The following NEK10 variants were observed in gnomAD, a reference collection of about 807,000 sequenced individuals.
NEK10 encodes NIMA related kinase 10.
Under a neutral mutation model 159.8 loss-of-function variants are expected in NEK10, and 122 were observed. The ratio of observed to expected loss-of-function variants is 0.76; its 90% CI spans 0.66 to 0.89. The LOEUF is 0.89. Ranked by LOEUF, NEK10 falls within the 40% of genes least tolerant of loss-of-function variation. NEK10 has a pLI of 0.00. For synonymous variants in NEK10, 466 were observed against 457.1 expected (o/e 1.02, Z -0.25); for missense variants, 1,342 against 1,323.1 (o/e 1.01, Z -0.22).
intron 22 of NEK10, among the ~76,000 whole-genome samples, chr3:27,275,125 C>A (rs2041676164): frequency 6.6e-6 from 1 of 152,138 alleles, no homozygotes; most frequent in Admixed American, 6.5e-5. Flanking sequence ...CTGTGCTCAC[C>A]CAGTTCACTG....
chr3:27,163,528 A>C (rs1188099274), intron 29 of NEK10, among the ~76,000 whole-genome samples: 1 of 151,548 alleles, frequency 6.6e-6, no homozygotes, highest in Non-Finnish European at 1.5e-5. Context: ...ATTTTCTTGT[A>C]TTTTTAGTAG....
intron 8 of NEK10, chr3:27,311,232 T>C: frequency 2.6e-6 from 1 of 386,632 alleles, no homozygotes; most frequent in Non-Finnish European, 4.6e-6. Context: ...ATTATTGTAA[T>C]AATGAAATAT....
intron 29 of NEK10, 125 bp downstream of exon 29, chr3:27,171,694 G>A: frequency 1.1e-6 from 1 of 897,476 alleles, no homozygotes; most frequent in South Asian, 1.7e-5. Flanking sequence ...TTCTGGGCAA[G>A]TAAGCTCTAA....
In NEK10 at chr3:27,141,554, C is replaced by T; in HGVS notation, c.2898G>A (p.Arg966=). 1 of 1,613,086 alleles carries T rather than the reference C, an allele frequency of 6.2e-7. No individual in the cohort carries two copies. The highest frequency in any genetic ancestry group is 1.1e-5 in the South Asian group (1 of 90,902). ...PASAGIAVSQ[R]KVRQISDPIQ... ...TAGGATCACTGATCTGACGCACTTT[C>T]CTCTGGGACACAGCAATTCCTGCTG... The change falls in exon 31 of 36, where the codon AGG becomes AGA. Residue 966 remains arginine (R), a synonymous_variant. Coordinates refer to ENST00000691995, the MANE Select transcript of NEK10 (RefSeq NM_001394966.1).
intron 23 of NEK10, among the ~76,000 whole-genome samples, chr3:27,240,856 G>A (rs1403953341): frequency 6.6e-6 from 1 of 151,508 alleles, no homozygotes; most frequent in Non-Finnish European, 1.5e-5. Flanking sequence ...GTTACACCAT[G>A]TTGGCCAGGC....
At chr3:27,309,100 T>C in intron 9 of NEK10, 95 bp from the exon 10 acceptor site, 1 of 656,014 alleles carries the variant, frequency 1.5e-6, no homozygotes, top group Non-Finnish European at 2.7e-6. Flanking sequence ...ACCAGCTGCT[T>C]GAATGACAAA....
Position 27,352,449 on chromosome 3 carries a change from T to C in NEK10, c.132+16A>G. 6 of 1,587,510 alleles carry C rather than the reference T, an allele frequency of 3.8e-6. No homozygotes were observed. Among genetic ancestry groups the C allele is most frequent in the Non-Finnish European group, 5.2e-6 (6 of 1,156,100 alleles). On this transcript the variant is annotated intron_variant, in intron 3 of 35. Coordinates refer to ENST00000691995, the MANE Select transcript of NEK10 (RefSeq NM_001394966.1). ...TTTTCTTTTATTACCAAGTGAACAT[T>C]CTTTGAAAACGCTACCTGTTGTTTG... is the stretch of plus-strand genomic sequence containing the variant.
intron 3 of NEK10, 57 bp from the exon 4 acceptor site, chr3:27,346,273 A>G (rs2047549841): frequency 5.7e-6 from 9 of 1,580,148 alleles, no homozygotes; most frequent in Non-Finnish European, 6.1e-6. Flanking sequence ...GGGATAAAGA[A>G]AGTAACAAAA....
intron 3 of NEK10, among the ~76,000 whole-genome samples, chr3:27,351,487 T>A (rs1279039010): frequency 6.6e-6 from 1 of 152,144 alleles, no homozygotes; most frequent in African/African-American, 2.4e-5. Flanking sequence ...TGTTTCCTCA[T>A]CTGTAAAAAT....
chr3:27,338,426 T>C (rs2046965742), intron 5 of NEK10, among the ~76,000 whole-genome samples: 1 of 152,196 alleles, frequency 6.6e-6, no homozygotes, highest in Non-Finnish European at 1.5e-5. Context: ...GTAGAATGAT[T>C]TATAATCCTC....
At chr3:27,217,850 C>A (rs572486618) in intron 23 of NEK10, among the ~76,000 whole-genome samples, 82 of 152,224 alleles carry the variant, frequency 5.4e-4, no homozygotes, top group African/African-American at 1.9e-3. Flanking sequence ...ATGCCTGAAA[C>A]CAAAGATAGT....
In NEK10 at chr3:27,297,144, T is replaced by G. The variant is rs2043416958; in HGVS notation, c.1230+35A>C. The G allele has an allele frequency of 3.4e-6, 5 of 1,463,530 alleles. No individual in the cohort carries two copies. In the East Asian group the frequency reaches 1.1e-4, roughly 33 times the overall value. 90.7% of individuals were successfully genotyped at this position (1,463,530 alleles called of 1,614,324 possible). ...ACAAGGTGAGTTGATTATGAATGGTTATGGAGACCTGACCTTGAGAAGGAG... is the reference window on the plus strand; with the variant it reads ...ACAAGGTGAGTTGATTATGAATGGTGATGGAGACCTGACCTTGAGAAGGAG... On this transcript the variant is annotated intron_variant, in intron 14 of 35. Coordinates refer to ENST00000691995, the MANE Select transcript of NEK10 (RefSeq NM_001394966.1).
intron 22 of NEK10, among the ~76,000 whole-genome samples, chr3:27,284,203 T>C (rs368334389): frequency 1.1e-4 from 16 of 152,080 alleles, no homozygotes; most frequent in South Asian, 8.3e-4. Context: ...CTGGCCAACA[T>C]GGTGAAACCC....
At chr3:27,359,201 C>CAA (rs5847459) in intron 1 of NEK10, among the ~76,000 whole-genome samples, 23,541 of 134,770 alleles carry the variant, frequency 0.17, 2,421 homozygotes, top group Non-Finnish European at 0.23. Context: ...AACTCCATTT[C>CAA]AAAAAAAAAA....
intron 1 of NEK10, among the ~76,000 whole-genome samples, chr3:27,367,092 G>A (rs2049151614): frequency 6.6e-6 from 1 of 152,166 alleles, no homozygotes; most frequent in African/African-American, 2.4e-5. Context: ...TTCACGGCAT[G>A]AGCCACCATG....
At chr3:27,223,763 T>C (rs1952357195) in intron 23 of NEK10, among the ~76,000 whole-genome samples, 1 of 152,214 alleles carries the variant, frequency 6.6e-6, no homozygotes, top group Admixed American at 6.5e-5. Context: ...CTATGTCTCC[T>C]TACCAGCCAG....
At chr3:27,240,104 G>A (rs562326383) in intron 23 of NEK10, among the ~76,000 whole-genome samples, 9 of 152,104 alleles carry the variant, frequency 5.9e-5, no homozygotes, top group African/African-American at 2.2e-4. Context: ...GACCTTAATG[G>A]GAACCAATTA....
Position 27,112,389 on chromosome 3 carries a change from T to C in NEK10, c.3300-1069A>G, listed in dbSNP as rs560139449. Reference sequence around the variant, plus strand: ...GTGTGTACTATTCAAACTGATAGTCTTAAATTGTAAACTTGAATAACACCG... The same window carrying C: ...GTGTGTACTATTCAAACTGATAGTCCTAAATTGTAAACTTGAATAACACCG... On this transcript the variant is annotated intron_variant, in intron 35 of 35. Transcript: ENST00000691995. Among the ~76,000 whole-genome samples the C allele has an allele frequency of 3.7e-4, 56 of 152,354 alleles. 1 individual carries two copies. The highest frequency in any genetic ancestry group is 1.3e-3 in the African/African-American group (52 of 41,592).
intron 10 of NEK10, 146 bp from the exon 11 acceptor site, chr3:27,308,091 G>T (rs2044381543): frequency 1.8e-6 from 1 of 556,698 alleles, no homozygotes; most frequent in African/African-American, 2.0e-5. Flanking sequence ...GTTCAGCATG[G>T]CTAGGGAGGC....
Sources: allele counts gnomAD v4.1 joint callset (sites outside exome capture counted in the v4.1 genomes callset), GRCh38; gene constraint gnomAD v4.1.1; transcripts MANE v1.5; gene names NCBI Gene and HGNC (gene_info 2026-07-23, HGNC 2026-07-21).